Variants in LY75 observed in about 807,000 individuals in gnomAD.
The protein encoded by LY75 is C-type lectin domain family 13 member B.
Under a neutral mutation model 231.7 loss-of-function variants are expected in LY75, and 185 were observed. That is an observed-to-expected ratio of 0.80 (90% CI 0.71 to 0.90). The LOEUF (loss-of-function observed/expected upper bound fraction) is 0.90. LY75 is among the 40% of genes least tolerant of loss of function. LY75 has a pLI of 0.00. For missense variants in LY75, 1,947 were observed against 2,050.2 expected (o/e 0.95, Z 0.97); for synonymous variants, 668 against 689.0 (o/e 0.97, Z 0.48).
At chr2:159,835,987 C>T (rs1007827821) in intron 25 of LY75, among the ~76,000 whole-genome samples, 2 of 152,194 alleles carry the variant, frequency 1.3e-5, no homozygotes, top group African/African-American at 4.8e-5. Context: ...AACCATTATG[C>T]TACGCTGCCT....
chr2:159,893,769 C>G, intron 3 of LY75, 145 bp downstream of exon 3: 1 of 1,203,252 alleles, frequency 8.3e-7, no homozygotes, highest in Non-Finnish European at 1.1e-6. Flanking sequence ...TACACATTAC[C>G]TCTCTCTTCT....
At chr2:159,862,029 G>A (rs746491643) in intron 14 of LY75, among the ~76,000 whole-genome samples, 1 of 151,682 alleles carries the variant, frequency 6.6e-6, no homozygotes, top group Admixed American at 6.6e-5. Context: ...GGAAGGGCAC[G>A]GTAGCTCACA....
At chr2:159,821,292 A>AT (rs1441638204) in intron 28 of LY75, among the ~76,000 whole-genome samples, 1 of 152,094 alleles carries the variant, frequency 6.6e-6, no homozygotes, top group African/African-American at 2.4e-5. Context: ...AGACATAAAT[A>AT]TAAGCGCTAC....
intron 28 of LY75, among the ~76,000 whole-genome samples, chr2:159,824,338 C>A (rs1451772672): frequency 1.3e-5 from 2 of 152,072 alleles, no homozygotes; most frequent in African/African-American, 4.8e-5. Context: ...ATAAAACAGA[C>A]TTTAAACTAA....
chr2:159,903,795 A>G (rs1037977904), intron 1 of LY75, among the ~76,000 whole-genome samples: 7 of 152,086 alleles, frequency 4.6e-5, no homozygotes, highest in African/African-American at 1.7e-4. Context: ...GAGAAAGTAA[A>G]AGCAACCGGT....
Position 159,899,025 on chromosome 2 carries a change from CG to C in LY75, c.128del (p.Thr43ArgfsTer12), listed in dbSNP as rs1457085284. 1.1e-5 allele frequency: 18 copies of C among 1,613,668 alleles called. No homozygotes were observed. The highest frequency in any genetic ancestry group is 2.7e-5 in the African/African-American group (2 of 74,904). On this transcript the variant is annotated frameshift_variant, in exon 2 of 35. Coordinates refer to ENST00000263636, the MANE Select transcript of LY75 (RefSeq NM_002349.4). LOFTEE classifies it high-confidence loss of function. The part of the protein sequence containing the change: ...NDPFTIVHGN[T>X]GKCIKPVYGW... The stretch of plus-strand genomic sequence containing the variant: ...CATACACTGGCTTGATGCACTTGCC[CG>C]TATTTCCATGGACGATGGTGAAGGG...
In LY75 at chr2:159,853,706, C is replaced by T; in HGVS notation, c.2596-9G>A. On this transcript the variant is annotated splice_polypyrimidine_tract_variant and intron_variant, in intron 18 of 34. Coordinates refer to ENST00000263636, the MANE Select transcript of LY75 (RefSeq NM_002349.4). Reference sequence around the variant, plus strand: ...TGTCCATCACCAGATATCTGAAAAACAAGCCAAACATCCATCCTTATATGT... The same window carrying T: ...TGTCCATCACCAGATATCTGAAAAATAAGCCAAACATCCATCCTTATATGT... 6.2e-7 allele frequency: 1 copy of T among 1,613,254 alleles called. No homozygotes were observed. Among genetic ancestry groups the T allele is most frequent in the Non-Finnish European group, 8.5e-7 (1 of 1,179,780 alleles).
chr2:159,885,080 G>T lies in LY75; in HGVS notation c.1054+73C>A, dbSNP rs377125149. ...AAAGGTGGAAACGGATGTTGGAAAA[G>T]ATTTACTTGTTTTCACAAAACTATG... On this transcript the variant is annotated intron_variant, in intron 6 of 34. Transcript: ENST00000263636. 5.1e-6 allele frequency: 8 copies of T among 1,560,136 alleles called. No homozygotes were observed. The African/African-American group carries it at 5.4e-5, about 11-fold the overall frequency.
At chr2:159,822,590 G>A (rs540631926) in intron 28 of LY75, among the ~76,000 whole-genome samples, 10 of 152,288 alleles carry the variant, frequency 6.6e-5, no homozygotes, top group South Asian at 2.1e-4. Context: ...AGAGAGCAGC[G>A]GACCTCCCAG....
intron 25 of LY75, among the ~76,000 whole-genome samples, chr2:159,838,372 A>G (rs1251263872): frequency 6.6e-6 from 1 of 152,224 alleles, no homozygotes; most frequent in Non-Finnish European, 1.5e-5. Context: ...ATAGGATAAG[A>G]AGTAAGACCC....
In LY75 at chr2:159,874,572, A is replaced by ATATATATTT. The variant is rs1560093682; in HGVS notation, c.1974+871_1974+872insAAATATATA. Among the ~76,000 whole-genome samples, 155 of 15,552 alleles carry ATATATATTT rather than the reference A, an allele frequency of 1.0e-2. 51 individuals carry two copies. The highest frequency in any genetic ancestry group is 0.011 in the Non-Finnish European group (124 of 11,060). 10.2% of individuals were successfully genotyped at this position (15,552 alleles called of 152,430 possible). A position where few individuals can be genotyped will look rare whatever the true frequency, so the allele number is the denominator to read the frequency against. On this transcript the variant is annotated intron_variant, in intron 12 of 34. Coordinates refer to ENST00000263636, the MANE Select transcript of LY75 (RefSeq NM_002349.4). ...ACATATTTTGTAAATCTATATAAAT[A>ATATATATTT]TGTACATATTTTGTAAATATATATA...
chr2:159,871,473 A>T (rs1408579211), intron 13 of LY75, among the ~76,000 whole-genome samples: 1 of 152,022 alleles, frequency 6.6e-6, no homozygotes, highest in African/African-American at 2.4e-5. Flanking sequence ...TAAAAAATTT[A>T]AAAAATTTTT....
Position 159,899,109 on chromosome 2 carries a change from G to A in LY75, c.95-50C>T, listed in dbSNP as rs753693048. ...GTAGATTATGTGGTTGAAGCGCCTT[G>A]CTCCCTGCCTGCTGAGGAGAGTCTG... On this transcript the variant is annotated intron_variant, in intron 1 of 34. Transcript: ENST00000263636. 3.1e-5 allele frequency: 49 copies of A among 1,573,704 alleles called. No individual in the cohort carries two copies. The South Asian group carries it at 5.6e-4, about 18-fold the overall frequency.
intron 21 of LY75, among the ~76,000 whole-genome samples, chr2:159,851,354 A>T (rs947602436): frequency 2.0e-5 from 3 of 152,112 alleles, no homozygotes; most frequent in East Asian, 1.9e-4. Flanking sequence ...TACAAAAAAA[A>T]TTTTTTTTTC....
In LY75 at chr2:159,831,744, T is replaced by C; in HGVS notation, c.3884A>G (p.Asn1295Ser). 1 of 1,612,520 alleles carries C rather than the reference T, an allele frequency of 6.2e-7. No individual in the cohort carries two copies. ...CAGCAGTTGCTCAAGAACAAAGTTA[T>C]TCTCCTTTTCATCTCGAATACTCAG... ...HILSIRDEKE[N>S]NFVLEQLLYF... The change falls in exon 28 of 35, where the codon AAT (asparagine) becomes AGT (serine). Residue 1295 changes from asparagine to serine, a missense_variant. Transcript: ENST00000263636.
chr2:159,852,258 G>C lies in LY75; in HGVS notation c.2826C>G (p.Ser942Arg). 1 of 1,614,002 alleles carries C rather than the reference G, an allele frequency of 6.2e-7. No individual in the cohort carries two copies. The highest frequency in any genetic ancestry group is 8.5e-7 in the Non-Finnish European group (1 of 1,179,972). Reference sequence around the variant, plus strand: ...ATTGCACTTTAGCTGCAGAATCTGGGCTGTATTTCTCTAACGAAGAAACAT... The same window carrying C: ...ATTGCACTTTAGCTGCAGAATCTGGCCTGTATTTCTCTAACGAAGAAACAT... ...KYNVSSLEKY[S>R]PDSAAKVQCS... Residue 942 changes from serine to arginine, a missense_variant, in exon 21 of 35, where the codon AGC becomes AGG. Transcript: ENST00000263636.
chr2:159,887,507 G>A (rs1268553336), intron 4 of LY75, among the ~76,000 whole-genome samples: 2 of 141,936 alleles, frequency 1.4e-5, no homozygotes, highest in African/African-American at 2.5e-5. Flanking sequence ...GCAGTGAGCC[G>A]ATATTGTGCC....
At chr2:159,836,584 T>C (rs1318212563) in intron 25 of LY75, among the ~76,000 whole-genome samples, 1 of 152,082 alleles carries the variant, frequency 6.6e-6, no homozygotes, top group Non-Finnish European at 1.5e-5. Context: ...CTTTCCTGAG[T>C]CCCAAGACAA....
At chr2:159,897,560 G>A (rs1685940315) in intron 2 of LY75, among the ~76,000 whole-genome samples, 1 of 152,140 alleles carries the variant, frequency 6.6e-6, no homozygotes. Flanking sequence ...CTAGGAAATA[G>A]AAAGCTAGAA....
Sources: allele counts gnomAD v4.1 joint callset (sites outside exome capture counted in the v4.1 genomes callset), GRCh38; gene constraint gnomAD v4.1.1; transcripts MANE v1.5; gene names NCBI Gene and HGNC (gene_info 2026-07-23, HGNC 2026-07-21).